CDADC1: variants seen among roughly 807,000 people sequenced by gnomAD.
CDADC1 encodes the protein cytidine and dCMP deaminase domain containing 1, also known as dCTP deaminase.
CDADC1 carries 39 observed loss-of-function variants against 54.9 expected under a neutral mutation model. That is an observed-to-expected ratio of 0.71 (90% CI 0.55 to 0.93). CDADC1 has a LOEUF of 0.93. CDADC1 is among the 40% of genes least tolerant of loss of function. The pLI is 0.00. For missense variants in CDADC1, 518 were observed against 618.8 expected, an observed-to-expected ratio of 0.84 and a Z score of 1.73; for synonymous variants, 186 against 204.0, an observed-to-expected ratio of 0.91 and a Z score of 0.75.
intron 2 of CDADC1, among the ~76,000 whole-genome samples, chr13:49,250,586 C>T (rs572424104): frequency 6.6e-6 from 1 of 152,134 alleles, no homozygotes; most frequent in Non-Finnish European, 1.5e-5. Flanking sequence ...TTGTGGTCCT[C>T]AGGCCAGAAA....
rs1364281835 is a variant in CDADC1 at position 49,291,625 on chromosome 13, A to T, written c.1472-59A>T. The T allele has an allele frequency of 2.6e-6, 4 of 1,556,554 alleles. No individual in the cohort carries two copies. The African/African-American group carries it at 4.1e-5, about 16-fold the overall frequency. The stretch of plus-strand genomic sequence containing the variant: ...TGCTCTTACAACATGTAAGGCTGAA[A>T]CAAGTGCCCATGGGTTTGAAATGAA... On this transcript the variant is annotated intron_variant, in intron 9 of 9. Coordinates refer to ENST00000251108, the MANE Select transcript of CDADC1 (RefSeq NM_030911.4).
intron 6 of CDADC1, among the ~76,000 whole-genome samples, chr13:49,276,305 G>C (rs893678751): frequency 1.3e-5 from 2 of 152,170 alleles, no homozygotes; most frequent in African/African-American, 4.8e-5. Context: ...GATTTGATCA[G>C]ATTTGCATTA....
At chr13:49,280,759 C>T in intron 8 of CDADC1, 61 bp downstream of exon 8, 1 of 864,858 alleles carries the variant, frequency 1.2e-6, no homozygotes, top group South Asian at 3.9e-5. Flanking sequence ...TACCCTGCTG[C>T]AATATTGTAA....
intron 4 of CDADC1, among the ~76,000 whole-genome samples, chr13:49,259,936 A>G (rs916182347): frequency 1.3e-5 from 2 of 152,056 alleles, no homozygotes; most frequent in African/African-American, 4.8e-5. Context: ...ATTTAGAAAT[A>G]TATATCTGAA....
Position 49,267,999 on chromosome 13 carries a change from T to C in CDADC1, c.940T>C (p.Leu314=). Reference sequence around the variant, plus strand: ...GATTAATGAAATTCACAATCAAAGTTTGCCACAGGAAATTGCAAGGCACTG... The same window carrying C: ...GATTAATGAAATTCACAATCAAAGTCTGCCACAGGAAATTGCAAGGCACTG... ...EQINEIHNQS[L]PQEIARHCMV... The change falls in exon 5 of 10, where the codon TTG becomes CTG. Residue 314 remains leucine, a synonymous_variant. Transcript: ENST00000251108. 3 of 1,614,006 alleles carry C rather than the reference T, an allele frequency of 1.9e-6. No individual in the cohort carries two copies. Among genetic ancestry groups the C allele is most frequent in the Non-Finnish European group, 2.5e-6 (3 of 1,180,022 alleles).
intron 4 of CDADC1, among the ~76,000 whole-genome samples, chr13:49,260,703 T>A (rs1334438369): frequency 6.6e-6 from 1 of 152,186 alleles, no homozygotes; most frequent in Non-Finnish European, 1.5e-5. Context: ...AAAATATGCA[T>A]CTTGTTGCAT....
chr13:49,248,485 G>T, intron 1 of CDADC1: 1 of 333,350 alleles, frequency 3.0e-6, no homozygotes, highest in Non-Finnish European at 5.5e-6. Context: ...CGCATTTTTC[G>T]GGTTGTGTTC....
At chr13:49,290,541 G>A (rs1037541553) in intron 9 of CDADC1, among the ~76,000 whole-genome samples, 2 of 152,132 alleles carry the variant, frequency 1.3e-5, no homozygotes, top group African/African-American at 4.8e-5. Context: ...CTTAGGACAA[G>A]GAAACAGCAG....
intron 2 of CDADC1, among the ~76,000 whole-genome samples, chr13:49,250,463 G>T (rs1952400926): frequency 6.6e-6 from 1 of 152,188 alleles, no homozygotes; most frequent in Non-Finnish European, 1.5e-5. Context: ...ATATGGGGAA[G>T]TGAAGGAAGG....
intron 8 of CDADC1, among the ~76,000 whole-genome samples, chr13:49,282,450 T>G (rs1566376015): frequency 6.6e-6 from 1 of 152,290 alleles, no homozygotes; most frequent in South Asian, 2.1e-4. Flanking sequence ...GAAAAAACCT[T>G]AAGCATACAG....
At position 49,286,339 on chromosome 13, in the gene CDADC1, A is replaced by T. The variant is rs1953514587; in HGVS notation, c.1471+57A>T. 5.0e-6 allele frequency: 6 copies of T among 1,208,954 alleles called. No homozygotes were observed. In the Admixed American group the frequency reaches 1.1e-4, roughly 22 times the overall value. 74.9% of individuals were successfully genotyped at this position (1,208,954 alleles called of 1,614,324 possible). The stretch of plus-strand genomic sequence containing the variant: ...TGCTGAGGAGAAAGGATATACAGTG[A>T]ATTTTAATGATCAGGTGATGAAAAT... On this transcript the variant is annotated intron_variant, in intron 9 of 9. Transcript: ENST00000251108.
At chr13:49,274,917 G>T (rs1244989928) in intron 6 of CDADC1, among the ~76,000 whole-genome samples, 3 of 152,034 alleles carry the variant, frequency 2.0e-5, no homozygotes, top group Non-Finnish European at 4.4e-5. Flanking sequence ...AATTATAACT[G>T]ATATCATGAG....
intron 3 of CDADC1, 133 bp from the exon 4 acceptor site, chr13:49,259,213 T>G: frequency 3.0e-6 from 2 of 664,656 alleles, no homozygotes; most frequent in Non-Finnish European, 4.6e-6. Context: ...TAATGAGAAA[T>G]GTGCTTTGTA....
At chr13:49,253,577 T>C (rs1952480781) in intron 2 of CDADC1, among the ~76,000 whole-genome samples, 1 of 152,234 alleles carries the variant, frequency 6.6e-6, no homozygotes, top group African/African-American at 2.4e-5. Flanking sequence ...TAAAATGAAA[T>C]GTTACTAGTA....
chr13:49,275,706 TATATATATATATATATATATAGAG>T (rs1953089412), intron 6 of CDADC1, among the ~76,000 whole-genome samples: 1 of 89,728 alleles, frequency 1.1e-5, no homozygotes, highest in African/African-American at 4.9e-5. Flanking sequence ...TATATATATA[TATATATATATATATATATATAGAG>T]AGAGAGAGAG....
chr13:49,265,564 A>G (rs1952796204), intron 4 of CDADC1, among the ~76,000 whole-genome samples: 1 of 152,196 alleles, frequency 6.6e-6, no homozygotes, highest in African/African-American at 2.4e-5. Flanking sequence ...GTAAAAATTT[A>G]AAACAATCTC....
intron 2 of CDADC1, among the ~76,000 whole-genome samples, chr13:49,251,765 A>G (rs911930696): frequency 1.8e-4 from 27 of 152,224 alleles, no homozygotes; most frequent in African/African-American, 6.0e-4. Flanking sequence ...AAAAAATACT[A>G]CCAAGGAAAT....
At chr13:49,276,505 GT>G (rs1953137577) in intron 6 of CDADC1, among the ~76,000 whole-genome samples, 1 of 152,118 alleles carries the variant, frequency 6.6e-6, no homozygotes, top group African/African-American at 2.4e-5. Context: ...TTGCTTTGAT[GT>G]TTCACAAACT....
intron 6 of CDADC1, among the ~76,000 whole-genome samples, chr13:49,277,414 G>A (rs1379621876): frequency 6.6e-6 from 1 of 152,100 alleles, no homozygotes; most frequent in Non-Finnish European, 1.5e-5. Context: ...AAACCTGGGT[G>A]ACAGAGTGAG....
Sources: allele counts gnomAD v4.1 joint callset (sites outside exome capture counted in the v4.1 genomes callset), GRCh38; gene constraint gnomAD v4.1.1; transcripts MANE v1.5; gene names NCBI Gene and HGNC (gene_info 2026-07-23, HGNC 2026-07-21).